Variants in PSD3 observed in about 807,000 individuals in gnomAD.
PSD3 encodes PH and SEC7 domain-containing protein 3.
Under a neutral mutation model 105.5 loss-of-function variants are expected in PSD3, and 49 were observed. The ratio of observed to expected loss-of-function variants is 0.46; its 90% CI spans 0.37 to 0.59. PSD3 has a LOEUF of 0.59. Among genes scored for constraint, PSD3 ranks in the 20% least tolerant of loss-of-function variants. PSD3 has a pLI of 0.00. For missense variants in PSD3, 1,561 were observed against 1,263.8 expected, an observed-to-expected ratio of 1.24 and a Z score of -3.57; for synonymous variants, 557 against 457.8, an observed-to-expected ratio of 1.22 and a Z score of -2.77.
At chr8:18,981,448 C>G (rs1825248789) in intron 1 of PSD3, among the ~76,000 whole-genome samples, 1 of 152,142 alleles carries the variant, frequency 6.6e-6, no homozygotes, top group Non-Finnish European at 1.5e-5. Flanking sequence ...TACTCAACAT[C>G]CCTGTGTCTT....
At chr8:18,625,351 G>T (rs1209108882) in intron 11 of PSD3, among the ~76,000 whole-genome samples, 3 of 151,984 alleles carry the variant, frequency 2.0e-5, no homozygotes, top group African/African-American at 4.8e-5. Context: ...CATCCTATCT[G>T]TATGTCTTAT....
At chr8:18,678,277 TA>T (rs905595333) in intron 9 of PSD3, among the ~76,000 whole-genome samples, 1 of 152,042 alleles carries the variant, frequency 6.6e-6, no homozygotes, top group East Asian at 1.9e-4. Context: ...TTAAGTTGTT[TA>T]AAAAAAATTC....
At chr8:18,858,088 A>C (rs186863009) in intron 4 of PSD3, among the ~76,000 whole-genome samples, 10 of 152,344 alleles carry the variant, frequency 6.6e-5, no homozygotes, top group Admixed American at 6.5e-4. Flanking sequence ...GGCTCTGCTA[A>C]CAGCTTGAGC....
intron 12 of PSD3, among the ~76,000 whole-genome samples, chr8:18,589,030 G>C (rs1803404042): frequency 1.3e-5 from 2 of 152,206 alleles, no homozygotes; most frequent in Admixed American, 6.5e-5. Context: ...TGACCCAAGA[G>C]AGTGGAATTT....
intron 12 of PSD3, among the ~76,000 whole-genome samples, chr8:18,584,895 AG>A (rs1205207325): frequency 4.6e-5 from 7 of 152,138 alleles, no homozygotes; most frequent in African/African-American, 1.7e-4. Flanking sequence ...CTAAATATCC[AG>A]GGTTGAGGTG....
chr8:18,743,133 C>A (rs577184902), intron 9 of PSD3, among the ~76,000 whole-genome samples: 2 of 152,140 alleles, frequency 1.3e-5, no homozygotes, highest in African/African-American at 4.8e-5. Context: ...GAACAAAGGG[C>A]AAACCTCCCC....
Position 18,560,175 on chromosome 8 carries a change from TACACACAC to T in PSD3, c.2785-3831_2785-3824del, listed in dbSNP as rs5889808. 2.8e-3 allele frequency among the ~76,000 whole-genome samples: 403 copies of T among 143,444 alleles called. 2 individuals are homozygous for T. Among genetic ancestry groups the T allele is most frequent in the East Asian group, 0.017 (81 of 4,836 alleles). 94.1% of individuals were successfully genotyped at this position (143,444 alleles called of 152,430 possible). On this transcript the variant is annotated intron_variant, in intron 14 of 15. Transcript: ENST00000327040. ...CCCATGATAAGAAAGATACACATTT[TACACACAC>T]ACACACACACACACACACACACACA...
At chr8:18,730,263 A>C (rs1803646441) in intron 9 of PSD3, 1 of 152,248 alleles carries the variant, frequency 6.6e-6, no homozygotes, top group African/African-American at 2.4e-5. Flanking sequence ...GTATGAAGGT[A>C]CCACAGCACA....
intron 1 of PSD3, among the ~76,000 whole-genome samples, chr8:18,991,343 CACACACACAT>C (rs1208733235): frequency 2.2e-5 from 2 of 89,886 alleles, no homozygotes; most frequent in African/African-American, 7.3e-5. Context: ...AGAAAACACA[CACACACACAT>C]ACACACACAC....
chr8:19,023,048 T>C (rs561362961), intron 1 of PSD3, among the ~76,000 whole-genome samples: 5 of 152,314 alleles, frequency 3.3e-5, no homozygotes, highest in African/African-American at 1.2e-4. Flanking sequence ...TAGATATATG[T>C]GCTCATAGGA....
At chr8:18,834,545 G>A (rs887431167) in intron 4 of PSD3, among the ~76,000 whole-genome samples, 2 of 152,304 alleles carry the variant, frequency 1.3e-5, no homozygotes, top group African/African-American at 4.8e-5. Context: ...GACTGGAACA[G>A]GAGTGACCAG....
chr8:18,549,245 G>A (rs1031581221), intron 15 of PSD3, among the ~76,000 whole-genome samples: 3 of 143,792 alleles, frequency 2.1e-5, no homozygotes, highest in Non-Finnish European at 4.5e-5. Flanking sequence ...GCAATGGCAT[G>A]ATCTCGGCTC....
chr8:18,624,467 T>C (rs1361669285), intron 11 of PSD3, among the ~76,000 whole-genome samples: 1 of 145,692 alleles, frequency 6.9e-6, no homozygotes. Context: ...TAATTTAAAA[T>C]TTCTCGGGAA....
intron 9 of PSD3, among the ~76,000 whole-genome samples, chr8:18,677,990 G>GA (rs1800165681): frequency 1.4e-5 from 2 of 139,384 alleles, no homozygotes; most frequent in Admixed American, 7.4e-5. Flanking sequence ...AGCCTGGGCA[G>GA]CAGAGCGAGA....
chr8:19,032,675 A>C (rs1469762939), intron 1 of PSD3, among the ~76,000 whole-genome samples: 1 of 151,530 alleles, frequency 6.6e-6, no homozygotes, highest in Non-Finnish European at 1.5e-5. Context: ...AAAGAAAGGA[A>C]TCCAAGTTGA....
At chr8:18,871,101 T>A (rs10113424) in intron 3 of PSD3, among the ~76,000 whole-genome samples, 2 of 152,240 alleles carry the variant, frequency 1.3e-5, no homozygotes, top group South Asian at 4.1e-4. Context: ...CCTGTCTCTG[T>A]ATAAATAAAT....
intron 8 of PSD3, among the ~76,000 whole-genome samples, chr8:18,780,947 G>C (rs1808565818): frequency 6.6e-6 from 1 of 152,194 alleles, no homozygotes; most frequent in South Asian, 2.1e-4. Context: ...TGTAGGGCCA[G>C]TAGAGTGGTG....
intron 1 of PSD3, among the ~76,000 whole-genome samples, chr8:18,954,431 T>A (rs1037152355): frequency 2.0e-5 from 3 of 152,170 alleles, no homozygotes; most frequent in Non-Finnish European, 4.4e-5. Context: ...AGGTACTCAT[T>A]CATTTTACTT....
intron 2 of PSD3, among the ~76,000 whole-genome samples, chr8:18,899,478 T>C (rs1819361596): frequency 6.6e-6 from 1 of 152,158 alleles, no homozygotes; most frequent in Non-Finnish European, 1.5e-5. Flanking sequence ...CATGATGTTC[T>C]GTCAGGGTTC....
Sources: allele counts gnomAD v4.1 joint callset (sites outside exome capture counted in the v4.1 genomes callset), GRCh38; gene constraint gnomAD v4.1.1; transcripts MANE v1.5; gene names NCBI Gene and HGNC (gene_info 2026-07-23, HGNC 2026-07-21).